The following ADAM22 variants were observed in gnomAD, a reference collection of about 807,000 sequenced individuals.
ADAM22 encodes the protein disintegrin and metalloproteinase domain-containing protein 22.
A neutral mutation model predicts 144.6 loss-of-function variants in ADAM22; 65 were observed. That is an observed-to-expected ratio of 0.45 (90% CI 0.37 to 0.55). The LOEUF is 0.55. Among genes scored for constraint, ADAM22 ranks in the 20% least tolerant of loss-of-function variants. ADAM22 has a pLI of 0.00. For missense variants in ADAM22, 974 were observed against 1,184.9 expected, an observed-to-expected ratio of 0.82 and a Z score of 2.61; for synonymous variants, 391 against 412.6, an observed-to-expected ratio of 0.95 and a Z score of 0.63.
intron 17 of ADAM22, 37 bp downstream of exon 17, chr7:88,145,544 G>A (rs1277948257): frequency 1.3e-6 from 2 of 1,495,516 alleles, no homozygotes; most frequent in South Asian, 2.3e-5. Context: ...CAGAAAAAAA[G>A]GACATACTTG....
At chr7:88,041,364 T>C (rs937913897) in intron 3 of ADAM22, among the ~76,000 whole-genome samples, 1 of 151,938 alleles carries the variant, frequency 6.6e-6, no homozygotes, top group Non-Finnish European at 1.5e-5. Context: ...TATACTAACA[T>C]AGATGGTGCC....
At chr7:88,080,933 T>C (rs930388217) in intron 4 of ADAM22, among the ~76,000 whole-genome samples, 1 of 152,130 alleles carries the variant, frequency 6.6e-6, no homozygotes, top group Non-Finnish European at 1.5e-5. Flanking sequence ...CTGGTACCAT[T>C]CCTTCTGAAA....
At chr7:88,029,317 A>G (rs542876647) in intron 3 of ADAM22, among the ~76,000 whole-genome samples, 1 of 152,264 alleles carries the variant, frequency 6.6e-6, no homozygotes, top group South Asian at 2.1e-4. Context: ...ACTGATGCCA[A>G]CTTAACACTG....
intron 2 of ADAM22, among the ~76,000 whole-genome samples, chr7:87,974,019 A>G (rs970477674): frequency 6.6e-6 from 1 of 152,002 alleles, no homozygotes; most frequent in Non-Finnish European, 1.5e-5. Context: ...GCACACCAAC[A>G]TGGCACATGT....
chr7:87,986,936 A>G (rs922059681), intron 3 of ADAM22, among the ~76,000 whole-genome samples: 5 of 152,110 alleles, frequency 3.3e-5, no homozygotes, highest in African/African-American at 1.2e-4. Context: ...CATACATACT[A>G]TTTTTATATT....
chr7:87,984,469 A>G (rs753310134), intron 3 of ADAM22, among the ~76,000 whole-genome samples: 2 of 152,076 alleles, frequency 1.3e-5, no homozygotes, highest in Admixed American at 6.5e-5. Flanking sequence ...TTTGATGTCT[A>G]TTGATGTATT....
At chr7:88,131,894 T>C (rs920132238) in intron 11 of ADAM22, 1 of 154,496 alleles carries the variant, frequency 6.5e-6, no homozygotes, top group Non-Finnish European at 1.4e-5. Flanking sequence ...AAATTATATA[T>C]AGTAGAATTT....
At chr7:88,068,205 T>C (rs1252701798) in intron 3 of ADAM22, among the ~76,000 whole-genome samples, 1 of 152,008 alleles carries the variant, frequency 6.6e-6, no homozygotes, top group Non-Finnish European at 1.5e-5. Flanking sequence ...GATGATGAAA[T>C]GGAGGTGTTG....
chr7:88,126,123 C>T (rs1830337597), intron 8 of ADAM22, among the ~76,000 whole-genome samples: 1 of 152,018 alleles, frequency 6.6e-6, no homozygotes, highest in South Asian at 2.1e-4. Flanking sequence ...AGGTCATGGA[C>T]TTTATGATTG....
At chr7:88,136,734 A>T (rs754659973) in intron 14 of ADAM22, among the ~76,000 whole-genome samples, 6 of 151,922 alleles carry the variant, frequency 3.9e-5, no homozygotes, top group Non-Finnish European at 7.4e-5. Context: ...TGTTTGGGTG[A>T]TGGGCGCACC....
At chr7:87,966,558 T>C (rs1849088414) in intron 2 of ADAM22, among the ~76,000 whole-genome samples, 1 of 151,982 alleles carries the variant, frequency 6.6e-6, no homozygotes, top group Non-Finnish European at 1.5e-5. Flanking sequence ...AGTGTCAGCA[T>C]AGTCTGTCTT....
At chr7:88,172,432 T>C (rs1844572910) in intron 26 of ADAM22, among the ~76,000 whole-genome samples, 2 of 151,918 alleles carry the variant, frequency 1.3e-5, no homozygotes, top group African/African-American at 4.8e-5. Context: ...TCTATACTCA[T>C]GGTATTTATG....
chr7:88,101,745 A>G (rs533726063), intron 4 of ADAM22, among the ~76,000 whole-genome samples: 7 of 152,238 alleles, frequency 4.6e-5, no homozygotes, highest in Non-Finnish European at 1.0e-4. Flanking sequence ...CAGCTCAGGA[A>G]CTAGTGTAAG....
chr7:88,043,957 C>T (rs1045603303), intron 3 of ADAM22, among the ~76,000 whole-genome samples: 3 of 152,152 alleles, frequency 2.0e-5, no homozygotes, highest in Admixed American at 2.0e-4. Context: ...ATCAAAGATA[C>T]TTCATCTGTT....
At chr7:88,011,681 C>A (rs2129459848) in intron 3 of ADAM22, among the ~76,000 whole-genome samples, 1 of 151,986 alleles carries the variant, frequency 6.6e-6, no homozygotes, top group Middle Eastern at 3.4e-3. Flanking sequence ...GAAAGTAACC[C>A]TTCATCTCAC....
intron 3 of ADAM22, among the ~76,000 whole-genome samples, chr7:88,008,108 T>G (rs1794421762): frequency 6.6e-6 from 1 of 152,056 alleles, no homozygotes; most frequent in Admixed American, 6.6e-5. Context: ...CAGACACTTC[T>G]CAAAAGAAGA....
At chr7:88,011,491 G>T (rs1166869679) in intron 3 of ADAM22, among the ~76,000 whole-genome samples, 1 of 149,016 alleles carries the variant, frequency 6.7e-6, no homozygotes, top group Non-Finnish European at 1.5e-5. Context: ...AGTGAGCCGA[G>T]ATCGCACCAC....
intron 7 of ADAM22, among the ~76,000 whole-genome samples, chr7:88,122,377 T>G (rs1829502493): frequency 6.6e-6 from 1 of 152,164 alleles, no homozygotes; most frequent in African/African-American, 2.4e-5. Flanking sequence ...GGAAGCAAGT[T>G]ACAGGTTTTA....
intron 3 of ADAM22, among the ~76,000 whole-genome samples, chr7:88,057,273 T>G (rs897891849): frequency 4.6e-5 from 7 of 152,190 alleles, no homozygotes; most frequent in Admixed American, 6.5e-5. Flanking sequence ...TTTTTGAATC[T>G]TTTTAATGAT....
Sources: allele counts gnomAD v4.1 joint callset (sites outside exome capture counted in the v4.1 genomes callset), GRCh38; gene constraint gnomAD v4.1.1; transcripts MANE v1.5; gene names NCBI Gene and HGNC (gene_info 2026-07-23, HGNC 2026-07-21).